The following ADGRB2 variants were observed in gnomAD, a reference collection of about 807,000 sequenced individuals.
ADGRB2 encodes brain-specific angiogenesis inhibitor 2.
ADGRB2 carries 47 observed loss-of-function variants against 178.7 expected under a neutral mutation model. The ratio of observed to expected loss-of-function variants is 0.26; its 90% CI spans 0.21 to 0.34. ADGRB2 has a LOEUF of 0.34. Ranked by LOEUF, ADGRB2 falls within the 10% of genes least tolerant of loss-of-function variation. The probability of loss-of-function intolerance (pLI) is 1.00; values close to 1 mark genes in which losing one functional copy is unlikely to be tolerated. For synonymous variants in ADGRB2, 870 were observed against 912.4 expected, an observed-to-expected ratio of 0.95 and a Z score of 0.84; for missense variants, 1,584 against 2,180.8, an observed-to-expected ratio of 0.73 and a Z score of 5.45.
chr1:31,762,310 A>G (rs1418712177), intron 1 of ADGRB2, among the ~76,000 whole-genome samples: 1 of 152,134 alleles, frequency 6.6e-6, no homozygotes, highest in African/African-American at 2.4e-5. Flanking sequence ...TATCCTGCGC[A>G]GAGTCCACAC....
At position 31,763,942 on chromosome 1, in the gene ADGRB2, C is replaced by G; in HGVS notation, c.-249G>C. The G allele has an allele frequency of 1.0e-6, 1 of 985,444 alleles. No individual in the cohort carries two copies. Among genetic ancestry groups the G allele is most frequent in the Non-Finnish European group, 1.2e-6 (1 of 830,038 alleles). The allele number at this position is 985,444 out of a possible 1,614,324, so 61.0% of individuals were successfully genotyped here. On this transcript the variant is annotated 5_prime_UTR_variant, in exon 1 of 33. Transcript: ENST00000373658. Reference sequence around the variant, plus strand: ...CGCTGGCGGGGGCGGCCACGGGGCGCAAGTTTGCCATCCCTAAGTCGGGGA... The same window carrying G: ...CGCTGGCGGGGGCGGCCACGGGGCGGAAGTTTGCCATCCCTAAGTCGGGGA...
At position 31,727,398 on chromosome 1, in the gene ADGRB2, A is replaced by G. The variant is rs200525971; in HGVS notation, c.*22T>C. 6.9e-5 allele frequency: 109 copies of G among 1,574,284 alleles called. No individual in the cohort carries two copies. The Admixed American group carries it at 2.2e-3, about 32-fold the overall frequency. Reference sequence around the variant, plus strand: ...TAGAGAGATATATATATTTATATGCAGTGGGCAGTCCAGCGTGGCACTCAC... The same window carrying G: ...TAGAGAGATATATATATTTATATGCGGTGGGCAGTCCAGCGTGGCACTCAC... On this transcript the variant is annotated 3_prime_UTR_variant, in exon 33 of 33. Transcript: ENST00000373658. This position sits in a 1 kb window ranked among gnomAD's most constrained non-coding sequence, Gnocchi z 4.4.
In ADGRB2 at chr1:31,735,052, G is replaced by T; in HGVS notation, c.3452+131C>A. The T allele has an allele frequency of 1.1e-6, 1 of 911,272 alleles. No homozygotes were observed. Among genetic ancestry groups the T allele is most frequent in the Non-Finnish European group, 1.5e-6 (1 of 650,700 alleles). The allele number at this position is 911,272 out of a possible 1,614,324, so 56.4% of individuals were successfully genotyped here. ...TGCCGAGCCCTTGAGAGTGTGTGGT[G>T]GCTGGCAGGAAAGGGCAAGCTTTCC... On this transcript the variant is annotated intron_variant, in intron 25 of 32. Coordinates refer to ENST00000373658, the MANE Select transcript of ADGRB2 (RefSeq NM_001364857.2). The surrounding 1 kb of genome is among the most constrained non-coding windows in gnomAD (Gnocchi z 6.0).
In ADGRB2 at chr1:31,728,621, G is replaced by A. The variant is rs778361520; in HGVS notation, c.4393C>T (p.Arg1465Trp). Residue 1465 changes from arginine to tryptophan, a missense_variant, in exon 30 of 33, where the codon CGG (arginine) becomes TGG (tryptophan). This residue lies in a region of ADGRB2 where 865 missense variants were observed against 1,192.8 expected (regional missense o/e 0.73). Coordinates refer to ENST00000373658, the MANE Select transcript of ADGRB2 (RefSeq NM_001364857.2). This position sits in a 1 kb window ranked among gnomAD's most constrained non-coding sequence, Gnocchi z 6.7. The part of the protein sequence containing the change: ...KMGSLERKKL[R>W]YSDLDFEKVM... ...ACCTCAAAGTCCAGGTCTGAATACC[G>A]TAATTTCTTTCGCTGGGAAGGAGCA... The A allele has an allele frequency of 3.7e-6, 6 of 1,613,872 alleles. No homozygotes were observed. Among genetic ancestry groups the A allele is most frequent in the African/African-American group, 2.7e-5 (2 of 74,878 alleles).
At position 31,756,399 on chromosome 1, in the gene ADGRB2, G is replaced by C. The variant is rs748901226; in HGVS notation, c.438C>G (p.Gly146=). 1 of 1,612,954 alleles carries C rather than the reference G, an allele frequency of 6.2e-7. No individual in the cohort carries two copies. Among genetic ancestry groups the C allele is most frequent in the Non-Finnish European group, 8.5e-7 (1 of 1,179,926 alleles). ...AAGLELCSGS[G]PFTFLHFDKN... ...TGTCGAAGTGCAGGAAGGTAAAGGG[G>C]CCTGAGCCGCTGCACAGCTCCAACC... is the stretch of plus-strand genomic sequence containing the variant. The change falls in exon 4 of 33, where the codon GGC becomes GGG. Residue 146 remains glycine (G), a synonymous_variant. Transcript: ENST00000373658. The surrounding 1 kb of genome is among the most constrained non-coding windows in gnomAD (Gnocchi z 8.5).
In ADGRB2 at chr1:31,730,982, A is replaced by T; in HGVS notation, c.4198T>A (p.Ser1400Thr). Residue 1400 changes from serine to threonine, a missense_variant, in exon 29 of 33, where the codon TCC (serine) becomes ACC (threonine). By Grantham distance (58) the Ser-to-Thr change is moderately conservative. Coordinates refer to ENST00000373658, the MANE Select transcript of ADGRB2 (RefSeq NM_001364857.2). ...AGCCCCAGGCCCGAGTGGTCCACGG[A>T]CAGGAAGCTGGGGTAGCCTTCAGTG... Reference protein sequence around the residue: ...AHTEGYPSFLSVDHSGLGLGP... With the variant: ...AHTEGYPSFLTVDHSGLGLGP... 1.9e-6 allele frequency: 3 copies of T among 1,566,326 alleles called. No homozygotes were observed. Among genetic ancestry groups the T allele is most frequent in the South Asian group, 2.4e-5 (2 of 84,510 alleles).
At chr1:31,734,601 G>A (rs1436751058) in intron 25 of ADGRB2, among the ~76,000 whole-genome samples, 1 of 152,210 alleles carries the variant, frequency 6.6e-6, no homozygotes, top group African/African-American at 2.4e-5. Flanking sequence ...TAAGGTCTTT[G>A]TGGATTTGTT....
intron 3 of ADGRB2, 45 bp downstream of exon 3, chr1:31,757,156 C>G (rs367957630): frequency 1.9e-6 from 3 of 1,614,132 alleles, no homozygotes; most frequent in South Asian, 2.2e-5. Context: ...AGCCCATCAA[C>G]TACAAGCATA....
intron 27 of ADGRB2, 113 bp from the exon 28 acceptor site, chr1:31,732,267 G>T: frequency 7.0e-7 from 1 of 1,433,226 alleles, no homozygotes; most frequent in Non-Finnish European, 9.7e-7. Context: ...CCTTAGGGCT[G>T]CCCATGGCCC....
In ADGRB2 at chr1:31,727,509, G is replaced by A. The variant is rs769490381; in HGVS notation, c.4669C>T (p.Pro1557Ser). ...FKSMTLGSLP[P>S]KPRERLTLHR... is the part of the protein sequence containing the mutation. ...AGAGTCAGCCGTTCTCGGGGCTTGG[G>A]GGGCAGCGAGCCCAGTGTCATAGAT... Residue 1557 changes from proline (P) to serine (S), a missense_variant, in exon 33 of 33, where the codon CCC becomes TCC. By Grantham distance (74) the Pro-to-Ser change is moderately conservative (BLOSUM62 -1). This residue lies in a region of ADGRB2 where 865 missense variants were observed against 1,192.8 expected (regional missense o/e 0.73). Transcript: ENST00000373658. The surrounding 1 kb of genome is among the most constrained non-coding windows in gnomAD (Gnocchi z 4.4). 1 of 1,597,274 alleles carries A rather than the reference G, an allele frequency of 6.3e-7. No individual in the cohort carries two copies. Among genetic ancestry groups the A allele is most frequent in the Admixed American group, 1.8e-5 (1 of 54,136 alleles).
At chr1:31,749,225 C>T (rs1041032773) in intron 4 of ADGRB2, among the ~76,000 whole-genome samples, 2 of 152,176 alleles carry the variant, frequency 1.3e-5, no homozygotes, top group African/African-American at 2.4e-5. Flanking sequence ...AAGTGAGCCT[C>T]GGGGATCCCA....
intron 15 of ADGRB2, 43 bp downstream of exon 15, chr1:31,739,265 C>T (rs868525398): frequency 1.4e-5 from 20 of 1,439,626 alleles, no homozygotes; most frequent in Non-Finnish European, 1.8e-5. Context: ...CCTGGGCCTT[C>T]CTGGACCCTC....
chr1:31,728,598 C>T lies in ADGRB2; in HGVS notation c.4416G>A (p.Glu1472=). 1 of 1,614,094 alleles carries T rather than the reference C, an allele frequency of 6.2e-7. No homozygotes were observed. The highest frequency in any genetic ancestry group is 8.5e-7 in the Non-Finnish European group (1 of 1,180,002). The change falls in exon 30 of 33, where the codon GAG becomes GAA. Residue 1472 remains glutamate (E), a splice_region_variant and synonymous_variant. Transcript: ENST00000373658. The surrounding 1 kb of genome is among the most constrained non-coding windows in gnomAD (Gnocchi z 6.7). ...CGCCCAGCACACACATGGCCCTTAC[C>T]TCAAAGTCCAGGTCTGAATACCGTA... is the stretch of plus-strand genomic sequence containing the variant. ...KKLRYSDLDF[E]KVMHTRKRHS... is the part of the protein sequence containing the mutation.
chr1:31,760,506 G>A (rs1647007556), intron 1 of ADGRB2, among the ~76,000 whole-genome samples: 1 of 152,200 alleles, frequency 6.6e-6, no homozygotes, highest in African/African-American at 2.4e-5. Flanking sequence ...TGTGGGGTAA[G>A]GGGCAGAGCA....
chr1:31,731,976 C>T, intron 28 of ADGRB2, 139 bp downstream of exon 28: 3 of 1,083,378 alleles, frequency 2.8e-6, no homozygotes, highest in Admixed American at 2.1e-5. Flanking sequence ...CGCAGCCTTG[C>T]GTCCAGCTCA....
rs1431107271 is a variant in ADGRB2 at position 31,755,738 on chromosome 1, G to T, written c.838+261C>A. 6.6e-6 allele frequency among the ~76,000 whole-genome samples: 1 copy of T among 151,940 alleles called. No homozygotes were observed. Among genetic ancestry groups the T allele is most frequent in the Non-Finnish European group, 1.5e-5 (1 of 67,970 alleles). ...TCAGGGAGCCTCCCCTGGCTGCCCA[G>T]TTAGGAGGTCCCTCCCTGGGTTTAT... On this transcript the variant is annotated intron_variant, in intron 4 of 32. Transcript: ENST00000373658. This position sits in a 1 kb window ranked among gnomAD's most constrained non-coding sequence, Gnocchi z 5.1.
Position 31,744,346 on chromosome 1 carries a change from C to A in ADGRB2, c.934G>T (p.Ala312Ser). The change falls in exon 6 of 33, where the codon GCT (alanine) becomes TCT (serine). Residue 312 changes from alanine (A) to serine (S), a missense_variant. Physicochemically the swap from Ala to Ser is moderately conservative, Grantham distance 99. Around this residue, in one of 3 missense-constraint regions of ADGRB2, gnomAD observed 657 missense variants for 847.6 expected, o/e 0.78. Coordinates refer to ENST00000373658, the MANE Select transcript of ADGRB2 (RefSeq NM_001364857.2). This position sits in a 1 kb window ranked among gnomAD's most constrained non-coding sequence, Gnocchi z 6.7. ...ACGCTCCACGGGGACCACTCCTCAG[C>A]CGCCGGGTCGCCTACGAGAGAGGGA... is the stretch of plus-strand genomic sequence containing the variant. ...LYMAQTGDPA[A>S]EEWSPWSVCS... 5 of 1,550,658 alleles carry A rather than the reference C, an allele frequency of 3.2e-6. No individual in the cohort carries two copies. The highest frequency in any genetic ancestry group is 4.4e-6 in the Non-Finnish European group (5 of 1,146,854).
At chr1:31,760,942 A>G (rs2149075958) in intron 1 of ADGRB2, 1 of 151,086 alleles carries the variant, frequency 6.6e-6, no homozygotes, top group Non-Finnish European at 1.5e-5. Context: ...TCGCTCTCTT[A>G]GGGGAGGGGG....
Position 31,764,074 on chromosome 1 carries a change from C to T in ADGRB2, c.-381G>A. ...GCGCCGCGGAGCAGCGCGGGGCGGG[C>T]GGGCGGGCGGCGCCGGGCCGGGCGC... On this transcript the variant is annotated 5_prime_UTR_variant, in exon 1 of 33. Transcript: ENST00000373658. This position sits in a 1 kb window ranked among gnomAD's most constrained non-coding sequence, Gnocchi z 7.3. The T allele has an allele frequency of 5.1e-5, 4 of 77,992 alleles. No homozygotes were observed. The highest frequency in any genetic ancestry group is 7.5e-5 in the Non-Finnish European group (3 of 39,932). 4.8% of individuals were successfully genotyped at this position (77,992 alleles called of 1,614,324 possible).
Sources: allele counts gnomAD v4.1 joint callset (sites outside exome capture counted in the v4.1 genomes callset), GRCh38; gene constraint gnomAD v4.1.1; regional missense constraint gnomAD v4.1.1; non-coding constraint Gnocchi (gnomAD v3.1); transcripts MANE v1.5; gene names NCBI Gene and HGNC (gene_info 2026-07-23, HGNC 2026-07-21).